Variants in KSR2 observed in about 807,000 individuals in gnomAD.
KSR2 encodes the protein kinase suppressor of ras 2.
In KSR2, 25 loss-of-function variants were observed where a neutral mutation model predicts 107.8. That is an observed-to-expected ratio of 0.23 (90% CI 0.17 to 0.32). The LOEUF (loss-of-function observed/expected upper bound fraction) is 0.32, where lower values mean the gene tolerates loss of function less well. KSR2 is among the 10% of genes least tolerant of loss of function. The pLI, the probability that KSR2 is intolerant of heterozygous loss-of-function variation, is 1.00. For missense variants in KSR2, 887 were observed against 1,268.9 expected (o/e 0.70, Z 4.57); for synonymous variants, 480 against 507.0 (o/e 0.95, Z 0.71).
intron 3 of KSR2, among the ~76,000 whole-genome samples, chr12:117,840,636 T>C (rs776824486): frequency 9.2e-5 from 14 of 151,960 alleles, no homozygotes; most frequent in African/African-American, 1.2e-4. Flanking sequence ...CCTCCAGTGA[T>C]CCATCTGCCT....
Position 117,510,334 on chromosome 12 carries a change from A to C in KSR2, c.2219+14518T>G, listed in dbSNP as rs528400473. 2.6e-5 allele frequency among the ~76,000 whole-genome samples: 4 copies of C among 152,320 alleles called. No individual in the cohort carries two copies. The South Asian group carries it at 8.3e-4, about 32-fold the overall frequency. Reference sequence around the variant, plus strand: ...TGTAGTCTTGGTTACTTTATGAAGAATTTTCAGTTTTGCCTAACCACCTAG... The same window carrying C: ...TGTAGTCTTGGTTACTTTATGAAGACTTTTCAGTTTTGCCTAACCACCTAG... On this transcript the variant is annotated intron_variant, in intron 14 of 19. Coordinates refer to ENST00000339824, the MANE Select transcript of KSR2 (RefSeq NM_173598.6).
In KSR2 at chr12:117,777,783, G is replaced by C. The variant is rs186125199; in HGVS notation, c.473-16259C>G. ...AGTGGCTCAAAATGCTGTCATCCCA[G>C]CATTTTGGAGGTTGAGGCTGGTGGA... On this transcript the variant is annotated intron_variant, in intron 3 of 19. Coordinates refer to ENST00000339824, the MANE Select transcript of KSR2 (RefSeq NM_173598.6). Among the ~76,000 whole-genome samples the C allele has an allele frequency of 5.2e-3, 787 of 152,206 alleles. 10 individuals are homozygous for C. The highest frequency in any genetic ancestry group is 0.018 in the African/African-American group (767 of 41,548).
intron 3 of KSR2, among the ~76,000 whole-genome samples, chr12:117,768,836 T>C (rs1208898350): frequency 6.6e-6 from 1 of 152,206 alleles, no homozygotes; most frequent in Non-Finnish European, 1.5e-5. Context: ...ATGAGGAAAC[T>C]GAGGCACAGA....
At chr12:117,920,229 G>A (rs1043366460) in intron 1 of KSR2, among the ~76,000 whole-genome samples, 2 of 152,090 alleles carry the variant, frequency 1.3e-5, no homozygotes, top group Non-Finnish European at 2.9e-5. Context: ...TTCCCAAGTA[G>A]CTGGGAGTAA....
chr12:117,649,487 T>A (rs2178580), intron 5 of KSR2, among the ~76,000 whole-genome samples: 12,229 of 152,274 alleles, frequency 0.08, 1,116 homozygotes, highest in African/African-American at 0.22. Context: ...ACTGCTTCCT[T>A]TGCAGCAGGC....
At chr12:117,606,423 TCCTTCCTCCCTCCCTCCC>T in intron 5 of KSR2, among the ~76,000 whole-genome samples, 1 of 73,200 alleles carries the variant, frequency 1.4e-5, no homozygotes, top group Non-Finnish European at 2.6e-5. Flanking sequence ...CTCCCTCCCC[TCCTTCCTCCCTCCCTCCC>T]CTCCTTCCTC....
At chr12:117,506,429 T>G (rs1873683012) in intron 14 of KSR2, among the ~76,000 whole-genome samples, 1 of 152,214 alleles carries the variant, frequency 6.6e-6, no homozygotes. Context: ...CATTGATATA[T>G]TTTTTTCCTG....
intron 2 of KSR2, among the ~76,000 whole-genome samples, chr12:117,859,139 C>CTTTTTTTTTTTTTTTTTTTTTTTT (rs34697963): frequency 1.2e-5 from 1 of 81,094 alleles, no homozygotes; most frequent in Non-Finnish European, 2.2e-5. Context: ...ATGAGCTGAA[C>CTTTTTTTTTTTTTTTTTTTTTTTT]TTTTTTTTTT....
intron 3 of KSR2, among the ~76,000 whole-genome samples, chr12:117,829,501 C>T (rs1891876610): frequency 6.6e-6 from 1 of 152,208 alleles, no homozygotes; most frequent in Non-Finnish European, 1.5e-5. Context: ...TTGTACCTAA[C>T]ATGGGGCTTG....
At chr12:117,489,045 T>G (rs758543509) in intron 14 of KSR2, among the ~76,000 whole-genome samples, 1 of 152,176 alleles carries the variant, frequency 6.6e-6, no homozygotes, top group African/African-American at 2.4e-5. Flanking sequence ...ACCAACATAA[T>G]GTTGAGTGAA....
intron 14 of KSR2, among the ~76,000 whole-genome samples, chr12:117,509,068 A>G (rs1873878974): frequency 6.6e-6 from 1 of 152,026 alleles, no homozygotes; most frequent in Non-Finnish European, 1.5e-5. Flanking sequence ...AGGAGGATGG[A>G]TGGATGCGTG....
intron 14 of KSR2, among the ~76,000 whole-genome samples, chr12:117,487,724 C>A (rs1172776687): frequency 6.6e-6 from 1 of 152,182 alleles, no homozygotes; most frequent in African/African-American, 2.4e-5. Flanking sequence ...GACTCTCCTG[C>A]TCAGGGTAAC....
chr12:117,685,585 C>T (rs1371170613), intron 4 of KSR2, among the ~76,000 whole-genome samples: 1 of 152,264 alleles, frequency 6.6e-6, no homozygotes. Flanking sequence ...CTGCCCGCAT[C>T]TCCTGGCCTC....
At chr12:117,580,281 CCCT>C (rs768741565) in intron 6 of KSR2, among the ~76,000 whole-genome samples, 55 of 152,224 alleles carry the variant, frequency 3.6e-4, no homozygotes, top group Non-Finnish European at 6.9e-4. Context: ...AGAAAACTCT[CCCT>C]CTCTGGTTTT....
At chr12:117,522,413 G>T (rs924081892) in intron 14 of KSR2, among the ~76,000 whole-genome samples, 4 of 152,068 alleles carry the variant, frequency 2.6e-5, no homozygotes, top group African/African-American at 7.2e-5. Context: ...GAAGGCCAGG[G>T]GTGGGGAAAA....
chr12:117,487,968 TA>T (rs1343302763), intron 14 of KSR2, among the ~76,000 whole-genome samples: 2 of 152,148 alleles, frequency 1.3e-5, no homozygotes, highest in African/African-American at 4.8e-5. Flanking sequence ...TGAATTGTAA[TA>T]ATCCCCAAGT....
intron 5 of KSR2, among the ~76,000 whole-genome samples, chr12:117,583,950 G>A (rs2650170): frequency 0.068 from 10,322 of 152,172 alleles, 432 homozygotes; most frequent in Middle Eastern, 0.12. Context: ...CGGGGAGCCG[G>A]GCATGTCAGA....
intron 5 of KSR2, among the ~76,000 whole-genome samples, chr12:117,638,232 A>G (rs946096905): frequency 2.6e-5 from 4 of 152,190 alleles, no homozygotes; most frequent in African/African-American, 9.6e-5. Flanking sequence ...AGACAATATT[A>G]TAGGTGATTT....
intron 5 of KSR2, among the ~76,000 whole-genome samples, chr12:117,587,793 A>C (rs1039491467): frequency 5.3e-5 from 8 of 152,182 alleles, no homozygotes; most frequent in African/African-American, 1.4e-4. Flanking sequence ...GTTTTAAGGC[A>C]ATGGGAGCCC....
Sources: allele counts gnomAD v4.1 joint callset (sites outside exome capture counted in the v4.1 genomes callset), GRCh38; gene constraint gnomAD v4.1.1; transcripts MANE v1.5; gene names NCBI Gene and HGNC (gene_info 2026-07-23, HGNC 2026-07-21).